The following EYS variants were observed in gnomAD, a reference collection of about 807,000 sequenced individuals.
EYS encodes protein eyes shut homolog.
In EYS, 250 loss-of-function variants were observed where a neutral mutation model predicts 282.1. That is an observed-to-expected ratio of 0.89 (90% CI 0.80 to 0.98). The LOEUF (loss-of-function observed/expected upper bound fraction) is 0.98, where lower values mean the gene tolerates loss of function less well. Ranked by LOEUF, EYS falls within the 50% of genes least tolerant of loss-of-function variation. The pLI, the probability that EYS is intolerant of heterozygous loss-of-function variation, is 0.00. For missense variants in EYS, 4,016 were observed against 3,709.0 expected, an observed-to-expected ratio of 1.08 and a Z score of -2.15; for synonymous variants, 1,355 against 1,282.9, an observed-to-expected ratio of 1.06 and a Z score of -1.20.
At chr6:64,983,409 G>C (rs1317725029) in intron 14 of EYS, among the ~76,000 whole-genome samples, 1 of 151,156 alleles carries the variant, frequency 6.6e-6, no homozygotes, top group Non-Finnish European at 1.5e-5. Flanking sequence ...AGCTATTTGT[G>C]TCAGGATAAA....
chr6:64,622,684 A>C (rs772894700), intron 23 of EYS, among the ~76,000 whole-genome samples: 2 of 152,162 alleles, frequency 1.3e-5, no homozygotes, highest in Non-Finnish European at 2.9e-5. Context: ...ACATAATATG[A>C]ATGTAAGAAA....
At chr6:64,751,548 G>A (rs565257222) in intron 22 of EYS, among the ~76,000 whole-genome samples, 1 of 152,334 alleles carries the variant, frequency 6.6e-6, no homozygotes, top group South Asian at 2.1e-4. Context: ...CCACTCTGGG[G>A]CTGAGCACAG....
chr6:64,351,029 C>CT (rs1236267417), intron 29 of EYS, among the ~76,000 whole-genome samples: 5 of 150,890 alleles, frequency 3.3e-5, no homozygotes, highest in Non-Finnish European at 5.9e-5. Context: ...TTCCTGAGGC[C>CT]TACCCAGCCA....
chr6:64,702,265 T>G (rs1175090245), intron 22 of EYS, among the ~76,000 whole-genome samples: 1 of 152,008 alleles, frequency 6.6e-6, no homozygotes, highest in Non-Finnish European at 1.5e-5. Flanking sequence ...AAAGATGAAA[T>G]AGAGAACAGA....
intron 26 of EYS, among the ~76,000 whole-genome samples, chr6:64,541,543 AT>A (rs201150493): frequency 5.4e-5 from 8 of 148,622 alleles, no homozygotes; most frequent in Non-Finnish European, 9.0e-5. Context: ...TCTCTGTTTC[AT>A]TTTTTTTTCA....
At chr6:63,972,135 C>A (rs1194109625) in intron 35 of EYS, among the ~76,000 whole-genome samples, 1 of 152,026 alleles carries the variant, frequency 6.6e-6, no homozygotes, top group Non-Finnish European at 1.5e-5. Flanking sequence ...TTATTTTTCT[C>A]AATGAAATTA....
chr6:64,551,629 T>A (rs1371048109), intron 26 of EYS, among the ~76,000 whole-genome samples: 1 of 151,124 alleles, frequency 6.6e-6, no homozygotes, highest in East Asian at 2.0e-4. Flanking sequence ...CTCTGCCTCC[T>A]GGGTTCAAGC....
At chr6:64,449,096 T>C (rs1403202937) in intron 26 of EYS, among the ~76,000 whole-genome samples, 2 of 152,036 alleles carry the variant, frequency 1.3e-5, no homozygotes, top group African/African-American at 4.8e-5. Flanking sequence ...GCAAAGAAGA[T>C]AAAAACTTTA....
intron 35 of EYS, among the ~76,000 whole-genome samples, chr6:63,881,923 A>G (rs1184395071): frequency 6.6e-6 from 1 of 152,212 alleles, no homozygotes; most frequent in Non-Finnish European, 1.5e-5. Context: ...GTTATCCTTG[A>G]GACTTAGACA....
chr6:63,940,362 G>A (rs1212196641), intron 35 of EYS, among the ~76,000 whole-genome samples: 1 of 152,000 alleles, frequency 6.6e-6, no homozygotes, highest in East Asian at 1.9e-4. Context: ...GCTGCAGCTA[G>A]GCCAGCGGGT....
intron 22 of EYS, among the ~76,000 whole-genome samples, chr6:64,809,234 A>G (rs763515176): frequency 6.6e-6 from 1 of 152,148 alleles, no homozygotes; most frequent in African/African-American, 2.4e-5. Flanking sequence ...GAGTCAACTT[A>G]ATTCTGTAAC....
chr6:64,688,204 T>C (rs956536859), intron 22 of EYS, among the ~76,000 whole-genome samples: 1 of 152,124 alleles, frequency 6.6e-6, no homozygotes, highest in Non-Finnish European at 1.5e-5. Flanking sequence ...TTTTTAATGG[T>C]TTTCTGTGTC....
chr6:64,430,674 T>C (rs1774547886), intron 28 of EYS, among the ~76,000 whole-genome samples: 1 of 152,186 alleles, frequency 6.6e-6, no homozygotes, highest in Admixed American at 6.6e-5. Context: ...TTTTAGCTGA[T>C]GTACTCTTCC....
chr6:65,000,105 C>T, intron 13 of EYS, among the ~76,000 whole-genome samples: 1 of 152,262 alleles, frequency 6.6e-6, no homozygotes, highest in East Asian at 1.9e-4. Flanking sequence ...AACACACGCC[C>T]ACTGGGGCTT....
chr6:64,470,010 C>T (rs1245261653), intron 26 of EYS, among the ~76,000 whole-genome samples: 2 of 152,162 alleles, frequency 1.3e-5, no homozygotes, highest in East Asian at 3.9e-4. Flanking sequence ...AGGGAAGGGC[C>T]CCCTATCCAA....
At chr6:63,758,711 A>C (rs972764401) in intron 41 of EYS, among the ~76,000 whole-genome samples, 1 of 152,128 alleles carries the variant, frequency 6.6e-6, no homozygotes, top group African/African-American at 2.4e-5. Flanking sequence ...AGATTTTATC[A>C]AGTGGAGGAA....
At chr6:64,852,822 G>C (rs1187113799) in intron 19 of EYS, among the ~76,000 whole-genome samples, 1 of 152,106 alleles carries the variant, frequency 6.6e-6, no homozygotes. Context: ...TCATGGAACA[G>C]AGTCTTCTCT....
At chr6:65,641,220 A>G (rs1446024393) in intron 1 of EYS, among the ~76,000 whole-genome samples, 3 of 152,348 alleles carry the variant, frequency 2.0e-5, no homozygotes, top group African/African-American at 4.8e-5. Flanking sequence ...GTTAGGCTGT[A>G]AGAACCAGAA....
At chr6:65,305,778 C>T (rs1261061513) in intron 11 of EYS, among the ~76,000 whole-genome samples, 3 of 152,178 alleles carry the variant, frequency 2.0e-5, no homozygotes, top group Admixed American at 6.5e-5. Flanking sequence ...TGAATTAACA[C>T]AGGGACAAAA....
Sources: gnomAD v4.1 joint callset for allele counts (sites outside exome capture counted in the v4.1 genomes callset) on GRCh38, gnomAD v4.1.1 for gene constraint, MANE v1.5 for transcripts, NCBI Gene and HGNC (gene_info 2026-07-23, HGNC 2026-07-21) for gene names.